The following PRDM16 variants were observed in gnomAD, a reference collection of about 807,000 sequenced individuals.
PRDM16 encodes the protein histone-lysine N-methyltransferase PRDM16.
A neutral mutation model predicts 110.6 loss-of-function variants in PRDM16; 23 were observed. That is an observed-to-expected ratio of 0.21 (90% CI 0.15 to 0.29). PRDM16 has a LOEUF of 0.29. PRDM16 is among the 10% of genes least tolerant of loss of function. The pLI, the probability that PRDM16 is intolerant of heterozygous loss-of-function variation, is 1.00. For missense variants in PRDM16, 1,615 were observed against 1,794.3 expected, an observed-to-expected ratio of 0.90 and a Z score of 1.81; for synonymous variants, 799 against 781.8, an observed-to-expected ratio of 1.02 and a Z score of -0.37.
chr1:3,290,819 C>T lies in PRDM16; in HGVS notation c.438+46682C>T, dbSNP rs1018388053. On this transcript the variant is annotated intron_variant, in intron 3 of 16. Transcript: ENST00000270722. This position sits in a 1 kb window ranked among gnomAD's most constrained non-coding sequence, Gnocchi z 4.8. ...CTGAAACGGGATACGCCGAGCTGAACTTGGCCACATAATGCCGCTCTGTTT... is the reference window on the plus strand; with the variant it reads ...CTGAAACGGGATACGCCGAGCTGAATTTGGCCACATAATGCCGCTCTGTTT... Among the ~76,000 whole-genome samples the T allele has an allele frequency of 6.6e-6, 1 of 152,018 alleles. No homozygotes were observed. The highest frequency in any genetic ancestry group is 2.4e-5 in the African/African-American group (1 of 41,366).
chr1:3,314,567 TTC>T (rs143276828), intron 3 of PRDM16, among the ~76,000 whole-genome samples: 12 of 151,544 alleles, frequency 7.9e-5, no homozygotes, highest in Middle Eastern at 3.4e-3. Context: ...TGTGTGAGCG[TTC>T]TCTCTCTCTC....
At chr1:3,264,144 A>C (rs1046593870) in intron 3 of PRDM16, among the ~76,000 whole-genome samples, 7 of 152,238 alleles carry the variant, frequency 4.6e-5, no homozygotes, top group Non-Finnish European at 1.0e-4. Context: ...AAAAGCAGAG[A>C]AATAGCAATG....
At chr1:3,145,889 C>T (rs1255113319) in intron 1 of PRDM16, among the ~76,000 whole-genome samples, 3 of 152,332 alleles carry the variant, frequency 2.0e-5, no homozygotes, top group Non-Finnish European at 2.9e-5. Context: ...GTGGGCAGCC[C>T]GGTCAGCCCG....
At chr1:3,396,753 C>T (rs1300881466) in intron 5 of PRDM16, among the ~76,000 whole-genome samples, 160 bp downstream of exon 5, 1 of 152,200 alleles carries the variant, frequency 6.6e-6, no homozygotes, top group Admixed American at 6.5e-5. Flanking sequence ...TTTTTGCAGA[C>T]CTCAGGCCAG....
chr1:3,262,305 A>G (rs1640180997), intron 3 of PRDM16, among the ~76,000 whole-genome samples: 1 of 152,212 alleles, frequency 6.6e-6, no homozygotes, highest in Non-Finnish European at 1.5e-5. Flanking sequence ...TCCTTCCCCC[A>G]GGGACTCCAC....
At position 3,187,368 on chromosome 1, in the gene PRDM16, G is replaced by A. The variant is rs1323414746; in HGVS notation, c.387+894G>A. Among the ~76,000 whole-genome samples, 4 of 152,360 alleles carry A rather than the reference G, an allele frequency of 2.6e-5. No homozygotes were observed. In the East Asian group the frequency reaches 7.7e-4, roughly 29 times the overall value. On this transcript the variant is annotated intron_variant, in intron 2 of 16. Coordinates refer to ENST00000270722, the MANE Select transcript of PRDM16 (RefSeq NM_022114.4). ...CCCTGTGCCTCCCAGCCTCTGGAGT[G>A]CCCGGATGGAGGTGGGCTCCTCATG...
intron 1 of PRDM16, among the ~76,000 whole-genome samples, chr1:3,112,361 C>T (rs1436358820): frequency 6.6e-6 from 1 of 152,232 alleles, no homozygotes; most frequent in Non-Finnish European, 1.5e-5. Context: ...GCCCCGGGAA[C>T]CGGCCTCTCA....
rs142522084 is a variant in PRDM16, at chr1:3,348,165, G to A, written c.439-36987G>A. 4.4e-3 allele frequency among the ~76,000 whole-genome samples: 667 copies of A among 152,310 alleles called. 2 individuals carry two copies. The highest frequency in any genetic ancestry group is 7.5e-3 in the Non-Finnish European group (512 of 68,022). ...CCCCAACCCACGTCCCAGCCTGGGG[G>A]GTCTGGCCCAACCGTAGCCCTCTGG... On this transcript the variant is annotated intron_variant, in intron 3 of 16. Coordinates refer to ENST00000270722, the MANE Select transcript of PRDM16 (RefSeq NM_022114.4).
At chr1:3,361,215 C>T (rs1642707399) in intron 3 of PRDM16, among the ~76,000 whole-genome samples, 1 of 152,206 alleles carries the variant, frequency 6.6e-6, no homozygotes, top group African/African-American at 2.4e-5. Flanking sequence ...GCTGCTTTCA[C>T]CGTCACAGCC....
intron 1 of PRDM16, among the ~76,000 whole-genome samples, chr1:3,082,332 G>C (rs954406579): frequency 6.6e-6 from 1 of 152,214 alleles, no homozygotes; most frequent in Non-Finnish European, 1.5e-5. Context: ...AGGGCGCCTC[G>C]GGGTCTGCCT....
chr1:3,325,207 T>A (rs1205348435), intron 3 of PRDM16, among the ~76,000 whole-genome samples: 1 of 152,228 alleles, frequency 6.6e-6, no homozygotes, highest in Non-Finnish European at 1.5e-5. Context: ...GCCTGTGAGC[T>A]GCAGCCCCTC....
At chr1:3,218,055 C>T (rs1362187821) in intron 2 of PRDM16, among the ~76,000 whole-genome samples, 1 of 152,240 alleles carries the variant, frequency 6.6e-6, no homozygotes, top group Non-Finnish European at 1.5e-5. Context: ...GCGAGCCCCT[C>T]GCTGCCGCCC....
chr1:3,351,625 TCCC>T (rs1557627002), intron 3 of PRDM16, among the ~76,000 whole-genome samples: 1 of 33,866 alleles, frequency 3.0e-5, no homozygotes, highest in Non-Finnish European at 6.1e-5. Context: ...CCTCCCTCTC[TCCC>T]CCTCCCTCTC....
chr1:3,385,915 G>T (rs757495158), intron 4 of PRDM16, among the ~76,000 whole-genome samples: 1 of 152,222 alleles, frequency 6.6e-6, no homozygotes, highest in East Asian at 1.9e-4. Flanking sequence ...GACCTCCACG[G>T]CTGGTCCACA....
At chr1:3,402,622 C>A (rs1298783499) in intron 5 of PRDM16, among the ~76,000 whole-genome samples, 169 bp from the exon 6 acceptor site, 1 of 152,158 alleles carries the variant, frequency 6.6e-6, no homozygotes, top group Non-Finnish European at 1.5e-5. Context: ...GTTTCCAGGG[C>A]AGGCTGGTGG....
intron 3 of PRDM16, among the ~76,000 whole-genome samples, chr1:3,347,455 G>A (rs931830274): frequency 1.3e-5 from 2 of 152,190 alleles, no homozygotes; most frequent in African/African-American, 4.8e-5. Flanking sequence ...CCATCCATCT[G>A]CTCCTGGAAG....
chr1:3,247,495 G>A (rs1639814310), intron 3 of PRDM16, among the ~76,000 whole-genome samples: 1 of 152,172 alleles, frequency 6.6e-6, no homozygotes, highest in African/African-American at 2.4e-5. Context: ...GCGCTACAGA[G>A]GTGCCTCCCG....
Position 3,407,498 on chromosome 1 carries a change from C to G in PRDM16, c.1186+1850C>G, listed in dbSNP as rs77653881. ...TCCTCTGGGAGAAGCCAGCACGGTG[C>G]GAGCTGGGCAGGAGTCAGGGGCTGG... On this transcript the variant is annotated intron_variant, in intron 8 of 16. Transcript: ENST00000270722. Among the ~76,000 whole-genome samples the G allele has an allele frequency of 4.6e-5, 7 of 152,194 alleles. 1 individual carries two copies. Among genetic ancestry groups the G allele is most frequent in the Non-Finnish European group, 1.0e-4 (7 of 68,036 alleles).
intron 2 of PRDM16, among the ~76,000 whole-genome samples, chr1:3,212,814 A>T (rs901288546): frequency 3.3e-5 from 5 of 151,920 alleles, no homozygotes; most frequent in African/African-American, 1.2e-4. Flanking sequence ...TCCCTCCCTG[A>T]CCCCAGCTCT....
Sources: gnomAD v4.1 joint callset for allele counts (sites outside exome capture counted in the v4.1 genomes callset) on GRCh38, gnomAD v4.1.1 for gene constraint, Gnocchi (gnomAD v3.1) non-coding constraint, MANE v1.5 for transcripts, NCBI Gene and HGNC (gene_info 2026-07-23, HGNC 2026-07-21) for gene names.